Variants in MOB3B observed in about 807,000 individuals in gnomAD.
MOB3B encodes the protein MOB kinase activator 3B, also known as MOB kinase activator-like 2B.
In MOB3B, 7 loss-of-function variants were observed where a neutral mutation model predicts 18.7. That is an observed-to-expected ratio of 0.37 (90% CI 0.21 to 0.70). The LOEUF (loss-of-function observed/expected upper bound fraction) is 0.70. Ranked by LOEUF, MOB3B falls within the 30% of genes least tolerant of loss-of-function variation. The pLI is 0.52. For synonymous variants in MOB3B, 111 were observed against 99.9 expected (o/e 1.11, Z -0.66); for missense variants, 253 against 281.3 (o/e 0.90, Z 0.72).
intron 2 of MOB3B, among the ~76,000 whole-genome samples, chr9:27,403,033 G>T (rs1000480015): frequency 2.6e-5 from 4 of 152,116 alleles, no homozygotes; most frequent in Non-Finnish European, 5.9e-5. Flanking sequence ...TCCCAACAGG[G>T]AAGCAGGTTA....
At chr9:27,361,522 A>T (rs1189428290) in intron 2 of MOB3B, among the ~76,000 whole-genome samples, 1 of 152,238 alleles carries the variant, frequency 6.6e-6, no homozygotes, top group African/African-American at 2.4e-5. Flanking sequence ...CAACGAGAGT[A>T]TGTTAGCTTT....
chr9:27,527,588 T>C (rs1820455427), intron 1 of MOB3B, among the ~76,000 whole-genome samples: 1 of 152,206 alleles, frequency 6.6e-6, no homozygotes, highest in Non-Finnish European at 1.5e-5. Flanking sequence ...AGTGGGTACA[T>C]AGATCATAAT....
intron 2 of MOB3B, among the ~76,000 whole-genome samples, chr9:27,379,367 C>G (rs567836760): frequency 2.6e-5 from 4 of 152,284 alleles, no homozygotes; most frequent in South Asian, 2.1e-4. Context: ...GCATAAGAGA[C>G]AGCTAGCTGT....
intron 2 of MOB3B, among the ~76,000 whole-genome samples, chr9:27,372,121 T>C (rs2131367919): frequency 6.6e-6 from 1 of 152,050 alleles, no homozygotes; most frequent in East Asian, 1.9e-4. Context: ...TTGGAGAAAA[T>C]GGCTGATTCT....
At position 27,359,019 on chromosome 9, in the gene MOB3B, C is replaced by A. The variant is rs773443234; in HGVS notation, c.621+15G>T. 1 of 1,611,234 alleles carries A rather than the reference C, an allele frequency of 6.2e-7. No individual in the cohort carries two copies. The highest frequency in any genetic ancestry group is 8.5e-7 in the Non-Finnish European group (1 of 1,177,408). On this transcript the variant is annotated intron_variant, in intron 3 of 3. Coordinates refer to ENST00000262244, the MANE Select transcript of MOB3B (RefSeq NM_024761.5). ...TGGGGTGACTTGGATACCATTATTT[C>A]ATGGTGTCACTTACCAAAGGCTCTA...
intron 2 of MOB3B, among the ~76,000 whole-genome samples, chr9:27,373,867 C>CT (rs1380103937): frequency 1.3e-5 from 2 of 152,364 alleles, no homozygotes; most frequent in East Asian, 3.9e-4. Context: ...GCCTCCTCTA[C>CT]TTTAAGTCTG....
At chr9:27,348,257 G>A (rs1371896790) in intron 3 of MOB3B, among the ~76,000 whole-genome samples, 1 of 152,062 alleles carries the variant, frequency 6.6e-6, no homozygotes, top group Non-Finnish European at 1.5e-5. Context: ...AAATGCAGAG[G>A]TCAAAGAAAA....
intron 2 of MOB3B, among the ~76,000 whole-genome samples, chr9:27,365,085 G>A (rs749227904): frequency 3.5e-5 from 5 of 143,538 alleles, no homozygotes; most frequent in Non-Finnish European, 7.5e-5. Context: ...ATACTTCATC[G>A]ATCAAAATTG....
intron 2 of MOB3B, among the ~76,000 whole-genome samples, chr9:27,423,064 A>C (rs903319777): frequency 2.0e-5 from 3 of 152,192 alleles, no homozygotes; most frequent in African/African-American, 7.2e-5. Context: ...GAGAGCCAGA[A>C]AGAACGCTAC....
At chr9:27,399,880 C>T (rs937840767) in intron 2 of MOB3B, among the ~76,000 whole-genome samples, 1 of 152,182 alleles carries the variant, frequency 6.6e-6, no homozygotes, top group Non-Finnish European at 1.5e-5. Flanking sequence ...CTACTGACTC[C>T]ATTCCTGGAG....
intron 2 of MOB3B, among the ~76,000 whole-genome samples, chr9:27,372,571 T>A (rs1031359708): frequency 6.6e-6 from 1 of 152,170 alleles, no homozygotes; most frequent in Non-Finnish European, 1.5e-5. Context: ...CAGTGATCAA[T>A]CGTGTTCATA....
intron 3 of MOB3B, among the ~76,000 whole-genome samples, chr9:27,341,260 G>T (rs1172719797): frequency 1.3e-5 from 2 of 152,204 alleles, no homozygotes; most frequent in African/African-American, 4.8e-5. Context: ...TGAACAAACG[G>T]TTTGTCCTTT....
intron 1 of MOB3B, among the ~76,000 whole-genome samples, chr9:27,463,658 G>C (rs901135499): frequency 1.3e-5 from 2 of 151,906 alleles, no homozygotes; most frequent in African/African-American, 4.8e-5. Flanking sequence ...TCTCAGTTTT[G>C]TCTTCTTTAA....
At chr9:27,350,900 CTTTTTT>C (rs36005041) in intron 3 of MOB3B, among the ~76,000 whole-genome samples, 1 of 131,900 alleles carries the variant, frequency 7.6e-6, no homozygotes. Flanking sequence ...CCATGGTGGG[CTTTTTT>C]TTTTTTTTTT....
chr9:27,365,364 C>T (rs199667457), intron 2 of MOB3B, among the ~76,000 whole-genome samples: 137 of 116,398 alleles, frequency 1.2e-3, no homozygotes, highest in Middle Eastern at 4.8e-3. Context: ...TCCTTCTTCT[C>T]TTTTTTTTTT....
intron 1 of MOB3B, among the ~76,000 whole-genome samples, chr9:27,503,025 G>GT (rs1820011448): frequency 6.6e-6 from 1 of 152,150 alleles, no homozygotes. Context: ...TCCCAAAGCT[G>GT]TAAGTGTTAG....
chr9:27,350,900 CTT>C (rs36005041), intron 3 of MOB3B, among the ~76,000 whole-genome samples: 193 of 131,774 alleles, frequency 1.5e-3, no homozygotes, highest in Non-Finnish European at 2.0e-3. Context: ...CCATGGTGGG[CTT>C]TTTTTTTTTT....
At chr9:27,439,507 T>A (rs1471727562) in intron 2 of MOB3B, among the ~76,000 whole-genome samples, 1 of 152,170 alleles carries the variant, frequency 6.6e-6, no homozygotes, top group Non-Finnish European at 1.5e-5. Context: ...TTGGCACAAA[T>A]CTTTTTAGTT....
chr9:27,352,872 A>C (rs1326937404), intron 3 of MOB3B, among the ~76,000 whole-genome samples: 1 of 152,216 alleles, frequency 6.6e-6, no homozygotes, highest in East Asian at 1.9e-4. Flanking sequence ...TCTTTACTGG[A>C]TACCTTCTCA....
Sources: gnomAD v4.1 joint callset for allele counts (sites outside exome capture counted in the v4.1 genomes callset) on GRCh38, gnomAD v4.1.1 for gene constraint, MANE v1.5 for transcripts, NCBI Gene and HGNC (gene_info 2026-07-23, HGNC 2026-07-21) for gene names.